Variants in SH3YL1 observed in about 807,000 individuals in gnomAD.
The protein encoded by SH3YL1 is SH3 domain-containing YSC84-like protein 1.
A neutral mutation model predicts 45.8 loss-of-function variants in SH3YL1; 41 were observed. The observed-to-expected ratio is 0.89, with a 90% confidence interval of 0.70 to 1.16. The LOEUF (loss-of-function observed/expected upper bound fraction) is 1.16. Among genes scored for constraint, SH3YL1 ranks in the 50% most tolerant of loss-of-function variants. SH3YL1 has a pLI of 0.00. For synonymous variants in SH3YL1, 152 were observed against 151.4 expected, an observed-to-expected ratio of 1.00 and a Z score of -0.03; for missense variants, 389 against 409.6, an observed-to-expected ratio of 0.95 and a Z score of 0.43.
intron 4 of SH3YL1, among the ~76,000 whole-genome samples, chr2:234,934 G>A (rs1454506608): frequency 6.6e-6 from 1 of 152,120 alleles, no homozygotes; most frequent in African/African-American, 2.4e-5. Context: ...CTGGAGTGCA[G>A]TGGCGTGATC....
chr2:225,935 T>C (rs1326047140), intron 8 of SH3YL1, among the ~76,000 whole-genome samples: 4 of 152,182 alleles, frequency 2.6e-5, no homozygotes, highest in African/African-American at 7.2e-5. Context: ...AATAAATGTA[T>C]ACATGTAATG....
intron 8 of SH3YL1, among the ~76,000 whole-genome samples, chr2:228,438 T>G (rs1301172973): frequency 6.6e-6 from 1 of 152,220 alleles, no homozygotes; most frequent in Non-Finnish European, 1.5e-5. Context: ...TCCACAGTCA[T>G]TTTTAAATCC....
At chr2:252,118 T>C (rs1190450243) in intron 2 of SH3YL1, among the ~76,000 whole-genome samples, 1 of 152,206 alleles carries the variant, frequency 6.6e-6, no homozygotes, top group African/African-American at 2.4e-5. Flanking sequence ...ATGAGAAACA[T>C]GTTTAAAACA....
chr2:239,843 GAC>G (rs1466462370), intron 4 of SH3YL1: 1 of 152,204 alleles, frequency 6.6e-6, no homozygotes, highest in African/African-American at 2.4e-5. Context: ...AGAAAATGAA[GAC>G]ACATTGATTC....
chr2:232,708 T>C (rs1288458535), intron 6 of SH3YL1, among the ~76,000 whole-genome samples: 2 of 152,044 alleles, frequency 1.3e-5, no homozygotes, highest in Non-Finnish European at 2.9e-5. Flanking sequence ...TTTTCTGTCC[T>C]TGTGATAGTT....
At chr2:262,685 T>C in intron 1 of SH3YL1, 8 of 1,303,338 alleles carry the variant, frequency 6.1e-6, no homozygotes, top group Non-Finnish European at 8.1e-6. Context: ...AGAGTCAGGG[T>C]AGCAGTTATT....
chr2:242,132 G>A (rs17713568), intron 4 of SH3YL1: 45,453 of 151,772 alleles, frequency 0.3, 7,073 homozygotes, highest in Non-Finnish European at 0.35. Context: ...GAGTCAGGTG[G>A]GAGCAAAGTT....
At chr2:232,939 G>A (rs1208097896) in intron 6 of SH3YL1, 162 bp downstream of exon 6, 11 of 473,232 alleles carry the variant, frequency 2.3e-5, no homozygotes, top group Non-Finnish European at 3.7e-5. Flanking sequence ...CATTTTCTAC[G>A]AGCATATATT....
At chr2:234,434 A>T (rs1246401714) in intron 4 of SH3YL1, among the ~76,000 whole-genome samples, 162 bp from the exon 5 acceptor site, 1 of 152,198 alleles carries the variant, frequency 6.6e-6, no homozygotes, top group African/African-American at 2.4e-5. Context: ...TGAGCTGATG[A>T]ATTATGAAGC....
intron 7 of SH3YL1, 71 bp downstream of exon 7, chr2:230,952 A>G (rs1231429811): frequency 6.7e-7 from 1 of 1,484,156 alleles, no homozygotes; most frequent in South Asian, 1.1e-5. Context: ...GGAACCTGAT[A>G]TCAGGGACAG....
chr2:247,598 C>T lies in SH3YL1; in HGVS notation c.231G>A (p.Trp77Ter). 6.5e-7 allele frequency: 1 copy of T among 1,550,142 alleles called. No homozygotes were observed. The highest frequency in any genetic ancestry group is 8.7e-7 in the Non-Finnish European group (1 of 1,146,484). The change falls in exon 4 of 10, where the codon TGG becomes TGA. Residue 77 changes from tryptophan to a stop codon, truncating the protein, a stop_gained. Coordinates refer to ENST00000356150, the MANE Select transcript of SH3YL1 (RefSeq NM_015677.4). LOFTEE classifies it high-confidence loss of function. Reference sequence around the variant, plus strand: ...CTATCCCAATGGCTGAGGGTGCAGACCATTCTAATAAAAAAACAAACGAAC... The same window carrying T: ...CTATCCCAATGGCTGAGGGTGCAGATCATTCTAATAAAAAAACAAACGAAC... ...IVVARLPDGK[W>*]SAPSAIGIAG...
At chr2:235,195 T>C (rs966296387) in intron 4 of SH3YL1, among the ~76,000 whole-genome samples, 5 of 152,332 alleles carry the variant, frequency 3.3e-5, no homozygotes, top group East Asian at 3.9e-4. Flanking sequence ...TTTCTCTAAA[T>C]AAAAGAAGAA....
At chr2:246,438 T>C (rs1023536450) in intron 4 of SH3YL1, among the ~76,000 whole-genome samples, 1 of 152,164 alleles carries the variant, frequency 6.6e-6, no homozygotes, top group Non-Finnish European at 1.5e-5. Context: ...CTCTCATCAT[T>C]TTTGAAATAA....
At chr2:255,436 A>C (rs897401454) in intron 1 of SH3YL1, among the ~76,000 whole-genome samples, 1 of 152,114 alleles carries the variant, frequency 6.6e-6, no homozygotes, top group African/African-American at 2.4e-5. Flanking sequence ...CTCTACCAAT[A>C]AAATGATTTA....
chr2:233,973 A>T (rs995746859), intron 5 of SH3YL1, among the ~76,000 whole-genome samples, 187 bp downstream of exon 5: 7 of 152,064 alleles, frequency 4.6e-5, no homozygotes, highest in Admixed American at 3.9e-4. Flanking sequence ...CTGGTTTCAG[A>T]TTTTCTAGCT....
chr2:258,700 G>C (rs910614473), intron 1 of SH3YL1, among the ~76,000 whole-genome samples: 2 of 152,170 alleles, frequency 1.3e-5, no homozygotes, highest in Admixed American at 1.3e-4. Context: ...CCATCAAGGT[G>C]TGTCCCTTCT....
chr2:247,164 C>T (rs1668856603), intron 4 of SH3YL1, among the ~76,000 whole-genome samples: 1 of 152,184 alleles, frequency 6.6e-6, no homozygotes, highest in Non-Finnish European at 1.5e-5. Context: ...GATTTTGCCA[C>T]AAATGATGAT....
rs577821736 is a variant in SH3YL1 at position 245,876 on chromosome 2, T to A, written c.291+1662A>T. ...TTGAATCATCACAACTAAAAAAAAA[T>A]AAAAATAAAAATAAAATAATACTGT... is the stretch of plus-strand genomic sequence containing the variant. On this transcript the variant is annotated intron_variant, in intron 4 of 9. Coordinates refer to ENST00000356150, the MANE Select transcript of SH3YL1 (RefSeq NM_015677.4). Among the ~76,000 whole-genome samples, 119 of 151,274 alleles carry A rather than the reference T, an allele frequency of 7.9e-4. 1 individual carries two copies. Among genetic ancestry groups the A allele is most frequent in the African/African-American group, 2.6e-3 (106 of 41,006 alleles).
intron 1 of SH3YL1, among the ~76,000 whole-genome samples, chr2:253,716 CCTTTA>C (rs1669182747): frequency 6.6e-6 from 1 of 152,172 alleles, no homozygotes. Context: ...CTTCTTTATT[CCTTTA>C]CTTTCTTAAT....
Sources: allele counts gnomAD v4.1 joint callset (sites outside exome capture counted in the v4.1 genomes callset), GRCh38; gene constraint gnomAD v4.1.1; transcripts MANE v1.5; gene names NCBI Gene and HGNC (gene_info 2026-07-23, HGNC 2026-07-21).